The following CWH43 variants were observed in gnomAD, a reference collection of about 807,000 sequenced individuals.
The protein encoded by CWH43 is PGAP2-interacting protein.
Under a neutral mutation model 85.7 loss-of-function variants are expected in CWH43, and 91 were observed. The observed-to-expected ratio is 1.06, with a 90% CI of 0.90 to 1.26. The LOEUF is 1.26. Ranked by LOEUF, CWH43 falls within the 50% of genes most tolerant of loss-of-function variation. The pLI, the probability that CWH43 is intolerant of heterozygous loss-of-function variation, is 0.00. For missense variants in CWH43, 869 were observed against 839.2 expected, an observed-to-expected ratio of 1.04 and a Z score of -0.44; for synonymous variants, 323 against 293.6, an observed-to-expected ratio of 1.10 and a Z score of -1.02.
rs1373077337 is a variant in CWH43, at chr4:49,007,206, A to G, written c.1066A>G (p.Met356Val). Residue 356 changes from methionine (M) to valine (V), a missense_variant, in exon 8 of 16, where the codon ATG (methionine) becomes GTG (valine). Around this residue, in one of 3 missense-constraint regions of CWH43, gnomAD observed 577 missense variants for 513.1 expected, o/e 1.12. Transcript: ENST00000226432. ...CTTTCTTTCTCTTATAACAGGGACA[A>G]TGATGTTAATTATCGGGCTGAATAT... ...RERSDVLLGT[M>V]MLIIGLNMLF... is the part of the protein sequence containing the mutation. 1.2e-6 allele frequency: 2 copies of G among 1,607,642 alleles called. No homozygotes were observed. The highest frequency in any genetic ancestry group is 2.7e-5 in the African/African-American group (2 of 74,662).
At chr4:49,037,840 A>T (rs1042195945) in intron 12 of CWH43, among the ~76,000 whole-genome samples, 196 bp from the exon 13 acceptor site, 1 of 152,176 alleles carries the variant, frequency 6.6e-6, no homozygotes, top group Non-Finnish European at 1.5e-5. Context: ...TCTTAGCCAA[A>T]TGTCTGTCAG....
chr4:48,993,165 G>T (rs924606798), intron 4 of CWH43, among the ~76,000 whole-genome samples: 5 of 152,084 alleles, frequency 3.3e-5, no homozygotes, highest in Admixed American at 3.3e-4. Context: ...TTATAAAACT[G>T]ACTGTTCACC....
At chr4:49,006,944 C>T (rs948740899) in intron 7 of CWH43, among the ~76,000 whole-genome samples, 11 of 152,180 alleles carry the variant, frequency 7.2e-5, no homozygotes, top group African/African-American at 2.7e-4. Context: ...CTAGGAAATA[C>T]TCAAGAAATT....
chr4:49,005,713 T>C (rs537644813), intron 7 of CWH43, among the ~76,000 whole-genome samples: 1 of 152,006 alleles, frequency 6.6e-6, no homozygotes, highest in East Asian at 1.9e-4. Flanking sequence ...GCTGATTATG[T>C]TGTTTTTTGT....
Position 48,994,815 on chromosome 4 carries a change from AT to A in CWH43, c.711del (p.Phe237LeufsTer13). On this transcript the variant is annotated frameshift_variant, in exon 5 of 16. Transcript: ENST00000226432. LOFTEE classifies it high-confidence loss of function. ...HPHPGPDPNP[F>X]GGAVLLCLAS... is the part of the protein sequence containing the mutation. ...CACATCCAGGGCCAGATCCTAACCC[AT>A]TTGGGTGAGTTTGGGTTTGGAAGCA... The A allele has an allele frequency of 6.2e-7, 1 of 1,613,706 alleles. No homozygotes were observed. The highest frequency in any genetic ancestry group is 8.5e-7 in the Non-Finnish European group (1 of 1,179,972).
chr4:49,058,750 A>C (rs1329224748), intron 15 of CWH43, among the ~76,000 whole-genome samples: 3 of 152,334 alleles, frequency 2.0e-5, no homozygotes, highest in African/African-American at 7.2e-5. Context: ...CTTGGTAGGC[A>C]GTTGCTTTCT....
intron 6 of CWH43, among the ~76,000 whole-genome samples, chr4:49,000,379 T>C (rs1429505411): frequency 1.3e-5 from 2 of 152,178 alleles, no homozygotes; most frequent in Non-Finnish European, 2.9e-5. Flanking sequence ...GAGCTGTTTG[T>C]ATTGCTTGTG....
intron 9 of CWH43, among the ~76,000 whole-genome samples, chr4:49,019,843 G>A (rs1318449945): frequency 2.0e-5 from 3 of 152,056 alleles, no homozygotes; most frequent in African/African-American, 4.8e-5. Flanking sequence ...ACCTCCCAAA[G>A]TGCTGGGATT....
At chr4:49,024,250 A>G (rs529441450) in intron 9 of CWH43, among the ~76,000 whole-genome samples, 1 of 152,348 alleles carries the variant, frequency 6.6e-6, no homozygotes, top group African/African-American at 2.4e-5. Context: ...GTGTCAGATG[A>G]GTCTTTTGAA....
rs145606339 is a variant in CWH43 at position 49,013,595 on chromosome 4, A to C, written c.1187-3654A>C. On this transcript the variant is annotated intron_variant, in intron 8 of 15. Coordinates refer to ENST00000226432, the MANE Select transcript of CWH43 (RefSeq NM_025087.3). Reference sequence around the variant, plus strand: ...GTGTCGATCATGCTGGGAGCTGCAGAACAGAGCTGTTCCTATTCGTCCATC... The same window carrying C: ...GTGTCGATCATGCTGGGAGCTGCAGCACAGAGCTGTTCCTATTCGTCCATC... Among the ~76,000 whole-genome samples, 754 of 152,060 alleles carry C rather than the reference A, an allele frequency of 5.0e-3. 1 individual carries two copies. The highest frequency in any genetic ancestry group is 0.014 in the Middle Eastern group (4 of 294).
At chr4:48,997,398 C>T (rs1245832417) in intron 5 of CWH43, among the ~76,000 whole-genome samples, 1 of 152,012 alleles carries the variant, frequency 6.6e-6, no homozygotes, top group Non-Finnish European at 1.5e-5. Context: ...TTATATGTTT[C>T]CCCCACTGGA....
chr4:48,990,923 C>T (rs1415211473), intron 2 of CWH43, among the ~76,000 whole-genome samples: 1 of 152,162 alleles, frequency 6.6e-6, no homozygotes, highest in South Asian at 2.1e-4. Context: ...GTGGTATATA[C>T]ATGCAATGGA....
At chr4:49,002,786 C>T (rs1009925256) in intron 6 of CWH43, among the ~76,000 whole-genome samples, 2 of 152,028 alleles carry the variant, frequency 1.3e-5, no homozygotes, top group African/African-American at 4.8e-5. Flanking sequence ...TGGCATTGCC[C>T]TGTGATGGTG....
At chr4:49,044,651 A>G (rs1449773577) in intron 13 of CWH43, 135 bp from the exon 14 acceptor site, 3 of 619,662 alleles carry the variant, frequency 4.8e-6, no homozygotes, top group Non-Finnish European at 8.3e-6. Context: ...GGACCAAAAA[A>G]GATCAGTAGG....
intron 10 of CWH43, among the ~76,000 whole-genome samples, chr4:49,029,921 A>C (rs932206842): frequency 2.6e-5 from 4 of 152,196 alleles, no homozygotes; most frequent in African/African-American, 9.7e-5. Context: ...AGTAATCAAT[A>C]AATACAGAGG....
chr4:49,040,723 G>A (rs1468724492), intron 13 of CWH43, among the ~76,000 whole-genome samples: 1 of 152,144 alleles, frequency 6.6e-6, no homozygotes, highest in Non-Finnish European at 1.5e-5. Context: ...AGTTTCCTTT[G>A]CTGTGCAGAA....
chr4:49,026,683 A>C (rs1389627619), intron 9 of CWH43, among the ~76,000 whole-genome samples: 1 of 152,192 alleles, frequency 6.6e-6, no homozygotes, highest in African/African-American at 2.4e-5. Flanking sequence ...AACGGCATTC[A>C]GACCCATCCA....
chr4:48,993,972 G>A (rs1182445113), intron 4 of CWH43, among the ~76,000 whole-genome samples: 1 of 151,886 alleles, frequency 6.6e-6, no homozygotes, highest in African/African-American at 2.4e-5. Context: ...ATGTTGGCCA[G>A]GCTGGTTTCA....
intron 12 of CWH43, among the ~76,000 whole-genome samples, chr4:49,035,469 A>AAAG (rs1290783099): frequency 6.6e-6 from 1 of 152,216 alleles, no homozygotes; most frequent in Non-Finnish European, 1.5e-5. Context: ...CATCATATAC[A>AAAG]AAGAGGAGAG....
Sources: allele counts gnomAD v4.1 joint callset (sites outside exome capture counted in the v4.1 genomes callset), GRCh38; gene constraint gnomAD v4.1.1; regional missense constraint gnomAD v4.1.1; transcripts MANE v1.5; gene names NCBI Gene and HGNC (gene_info 2026-07-23, HGNC 2026-07-21).